CWH43: variants seen among roughly 807,000 people sequenced by gnomAD.
The protein encoded by CWH43 is cell wall biogenesis 43 C-terminal homolog.
A neutral mutation model predicts 85.7 loss-of-function variants in CWH43; 91 were observed. That is an observed-to-expected ratio of 1.06 (90% CI 0.90 to 1.26). CWH43 has a LOEUF of 1.26. CWH43 is among the 50% of genes most tolerant of loss of function. The probability of loss-of-function intolerance (pLI) is 0.00; values close to 1 mark genes in which losing one functional copy is unlikely to be tolerated. For synonymous variants in CWH43, 323 were observed against 293.6 expected (o/e 1.10, Z -1.02); for missense variants, 869 against 839.2 (o/e 1.04, Z -0.44).
intron 15 of CWH43, among the ~76,000 whole-genome samples, chr4:49,057,189 A>G (rs564342977): frequency 6.6e-6 from 1 of 152,218 alleles, no homozygotes; most frequent in Non-Finnish European, 1.5e-5. Flanking sequence ...CAGCCTCAGG[A>G]GGTCCTGACG....
At chr4:49,050,518 T>C (rs79677948) in intron 14 of CWH43, among the ~76,000 whole-genome samples, 176 bp from the exon 15 acceptor site, 1 of 152,212 alleles carries the variant, frequency 6.6e-6, no homozygotes, top group African/African-American at 2.4e-5. Flanking sequence ...ATTTATATCA[T>C]AAAAGCAATA....
At chr4:49,003,620 T>C in intron 6 of CWH43, 115 bp from the exon 7 acceptor site, 1 of 970,140 alleles carries the variant, frequency 1.0e-6, no homozygotes, top group Non-Finnish European at 1.6e-6. Flanking sequence ...TTCTCATCTG[T>C]CTGGAGATTG....
chr4:48,999,610 C>G (rs75322813), intron 6 of CWH43, among the ~76,000 whole-genome samples: 4,976 of 152,264 alleles, frequency 0.033, 278 homozygotes, highest in African/African-American at 0.11. Context: ...ATACAGTGAA[C>G]CCATAAGTAA....
At chr4:49,044,718 T>G in intron 13 of CWH43, 68 bp from the exon 14 acceptor site, 1 of 1,214,958 alleles carries the variant, frequency 8.2e-7, no homozygotes, top group Non-Finnish European at 1.2e-6. Flanking sequence ...GCTCACACAT[T>G]TTTTGGCAAT....
intron 13 of CWH43, among the ~76,000 whole-genome samples, chr4:49,041,509 G>A (rs182551446): frequency 2.6e-5 from 4 of 152,172 alleles, no homozygotes; most frequent in Admixed American, 1.3e-4. Flanking sequence ...TGAAGCAATT[G>A]TGAATGGGAG....
At chr4:49,060,890 G>A (rs781552986) in intron 15 of CWH43, among the ~76,000 whole-genome samples, 3 of 152,060 alleles carry the variant, frequency 2.0e-5, no homozygotes, top group Non-Finnish European at 2.9e-5. Flanking sequence ...ACACATATAT[G>A]TATGTGCGTA....
intron 8 of CWH43, among the ~76,000 whole-genome samples, chr4:49,008,840 GT>G (rs1783253408): frequency 1.3e-5 from 2 of 152,170 alleles, no homozygotes; most frequent in Admixed American, 6.5e-5. Context: ...CTATATATCT[GT>G]TTTGGTATGA....
rs1292843558 is a variant in CWH43 at position 49,045,754 on chromosome 4, A to G, written c.1865+907A>G. ...ATTTTTATTTTTTAAATCGACACAT[A>G]ATAATTGTACACATTTATTGGGGGG... is the stretch of plus-strand genomic sequence containing the variant. On this transcript the variant is annotated intron_variant, in intron 14 of 15. Coordinates refer to ENST00000226432, the MANE Select transcript of CWH43 (RefSeq NM_025087.3). 2.0e-5 allele frequency among the ~76,000 whole-genome samples: 3 copies of G among 152,106 alleles called. No individual in the cohort carries two copies. In the East Asian group the frequency reaches 5.8e-4, roughly 29 times the overall value.
intron 11 of CWH43, 55 bp downstream of exon 11, chr4:49,031,015 T>C (rs1784080125): frequency 6.7e-7 from 1 of 1,491,200 alleles, no homozygotes; most frequent in Admixed American, 2.4e-5. Context: ...CTAGGCTGCA[T>C]AGGCTTGGAG....
At chr4:49,022,589 TTCTC>T (rs1452821644) in intron 9 of CWH43, among the ~76,000 whole-genome samples, 5 of 152,206 alleles carry the variant, frequency 3.3e-5, no homozygotes, top group East Asian at 1.9e-4. Context: ...GATCCCCTCT[TTCTC>T]TATCTTTTGG....
At chr4:48,999,161 T>C (rs1782912147) in intron 6 of CWH43, among the ~76,000 whole-genome samples, 1 of 152,200 alleles carries the variant, frequency 6.6e-6, no homozygotes, top group Non-Finnish European at 1.5e-5. Flanking sequence ...TCCCATTTAA[T>C]GATAACATGC....
chr4:49,060,782 AG>A (rs1785130467), intron 15 of CWH43, among the ~76,000 whole-genome samples: 1 of 152,176 alleles, frequency 6.6e-6, no homozygotes, highest in Admixed American at 6.5e-5. Flanking sequence ...ATGTTTCTAC[AG>A]GGACAAGCAC....
chr4:49,048,425 A>G (rs1162691091), intron 14 of CWH43, among the ~76,000 whole-genome samples: 2 of 151,640 alleles, frequency 1.3e-5, no homozygotes, highest in Admixed American at 6.6e-5. Flanking sequence ...TATCATATAT[A>G]TATTTATTTA....
At chr4:49,037,100 G>C (rs1025704635) in intron 12 of CWH43, among the ~76,000 whole-genome samples, 2 of 152,110 alleles carry the variant, frequency 1.3e-5, no homozygotes, top group Admixed American at 1.3e-4. Flanking sequence ...AACATCTAGG[G>C]TGTTTCTGTT....
chr4:49,040,195 G>A lies in CWH43; in HGVS notation c.1803+2015G>A, dbSNP rs373591313. Among the ~76,000 whole-genome samples, 126 of 152,112 alleles carry A rather than the reference G, an allele frequency of 8.3e-4. 2 individuals are homozygous for A. The highest frequency in any genetic ancestry group is 1.6e-3 in the Non-Finnish European group (106 of 68,006). ...AGTCTTTGCTATTGTGAATAGTGCC[G>A]CAATAAACATACGTGTGCATGTGTC... On this transcript the variant is annotated intron_variant, in intron 13 of 15. Transcript: ENST00000226432.
At chr4:49,051,365 T>A (rs1784792844) in intron 15 of CWH43, among the ~76,000 whole-genome samples, 1 of 152,170 alleles carries the variant, frequency 6.6e-6, no homozygotes. Context: ...TATTCTCAGC[T>A]CTGGCTGCAC....
chr4:48,991,414 A>G (rs778756164), intron 2 of CWH43, 40 bp from the exon 3 acceptor site: 12 of 1,611,782 alleles, frequency 7.4e-6, no homozygotes, highest in Non-Finnish European at 9.3e-6. Flanking sequence ...TCCAATCCAT[A>G]CTTGCCAGAA....
intron 15 of CWH43, among the ~76,000 whole-genome samples, chr4:49,059,296 T>A (rs1290501209): frequency 6.6e-6 from 1 of 152,214 alleles, no homozygotes; most frequent in African/African-American, 2.4e-5. Flanking sequence ...AGAATTTCTG[T>A]TTGGTTCTTT....
chr4:49,025,438 A>G (rs1354455448), intron 9 of CWH43, among the ~76,000 whole-genome samples: 1 of 152,122 alleles, frequency 6.6e-6, no homozygotes, highest in East Asian at 1.9e-4. Context: ...TTGTTTTGCC[A>G]TATTAATAGA....
Sources: gnomAD v4.1 joint callset for allele counts (sites outside exome capture counted in the v4.1 genomes callset) on GRCh38, gnomAD v4.1.1 for gene constraint, MANE v1.5 for transcripts, NCBI Gene and HGNC (gene_info 2026-07-23, HGNC 2026-07-21) for gene names.